ORC2: variants seen among roughly 807,000 people sequenced by gnomAD.
ORC2 encodes origin recognition complex subunit 2.
Under a neutral mutation model 77.7 loss-of-function variants are expected in ORC2, and 37 were observed. The ratio of observed to expected loss-of-function variants is 0.48; its 90% CI spans 0.37 to 0.63. ORC2 has a LOEUF of 0.63. Ranked by LOEUF, ORC2 falls within the 20% of genes least tolerant of loss-of-function variation. The pLI is 0.00. For missense variants in ORC2, 557 were observed against 661.9 expected, an observed-to-expected ratio of 0.84 and a Z score of 1.74; for synonymous variants, 201 against 229.5, an observed-to-expected ratio of 0.88 and a Z score of 1.12.
At chr2:200,934,188 C>T (rs1208846684) in intron 9 of ORC2, among the ~76,000 whole-genome samples, 2 of 152,100 alleles carry the variant, frequency 1.3e-5, no homozygotes, top group Non-Finnish European at 2.9e-5. Flanking sequence ...AAAGAAATGA[C>T]TAGGTGAAGT....
At position 200,953,585 on chromosome 2, in the gene ORC2, G is replaced by A. The variant is rs551025856; in HGVS notation, c.238+3816C>T. Among the ~76,000 whole-genome samples, 364 of 152,006 alleles carry A rather than the reference G, an allele frequency of 2.4e-3. 1 individual carries two copies. Among genetic ancestry groups the A allele is most frequent in the African/African-American group, 8.1e-3 (335 of 41,458 alleles). On this transcript the variant is annotated intron_variant, in intron 4 of 17. Transcript: ENST00000234296. ...ACATGATCCAGCATTTCCACTTATG[G>A]GTATAAACCCCAAAGAATTGAATGC...
Position 200,949,563 on chromosome 2 carries a change from C to A in ORC2, c.319G>T (p.Ala107Ser). The A allele has an allele frequency of 6.4e-7, 1 of 1,555,608 alleles. No individual in the cohort carries two copies. The highest frequency in any genetic ancestry group is 8.8e-7 in the Non-Finnish European group (1 of 1,130,040). Residue 107 changes from alanine to serine, a missense_variant, in exon 5 of 18, where the codon GCT becomes TCT. Coordinates refer to ENST00000234296, the MANE Select transcript of ORC2 (RefSeq NM_006190.5). The part of the protein sequence containing the change: ...FQNRKHSEKM[A>S]KLASELAKTP... ...CAGAAAAGCAACATACCTAATTTAG[C>A]CATCTTTTCAGAGTGTTTTCTATTC...
In ORC2 at chr2:200,909,891, A is replaced by T. The variant is rs971358148; in HGVS notation, c.*1410T>A. ...ATCCTCCTGCCTCAGCCTCCACAGC[A>T]GCTAGGACTATAGGCATGGGCCACC... is the stretch of plus-strand genomic sequence containing the variant. On this transcript the variant is annotated 3_prime_UTR_variant, in exon 18 of 18. Transcript: ENST00000234296. 1 of 151,942 alleles carries T rather than the reference A, an allele frequency of 6.6e-6. No individual in the cohort carries two copies. The allele number at this position is 151,942 out of a possible 1,614,324, so 9.4% of individuals were successfully genotyped here. A position where few individuals can be genotyped will look rare whatever the true frequency, so the allele number is the denominator to read the frequency against.
chr2:200,951,989 C>CT (rs1283288810), intron 4 of ORC2, among the ~76,000 whole-genome samples: 1 of 151,908 alleles, frequency 6.6e-6, no homozygotes, highest in Admixed American at 6.6e-5. Context: ...TTACAATTTG[C>CT]TTTTCATGTT....
intron 13 of ORC2, chr2:200,921,548 G>A (rs1212433809): frequency 6.6e-6 from 1 of 152,444 alleles, no homozygotes; most frequent in Admixed American, 6.5e-5. Context: ...ATTGCTTAGG[G>A]GTATGTAATT....
intron 6 of ORC2, 58 bp downstream of exon 6, chr2:200,942,627 T>A: frequency 1.2e-6 from 1 of 808,978 alleles, no homozygotes; most frequent in Non-Finnish European, 1.9e-6. Flanking sequence ...AAAAGTAACA[T>A]GCTCTATCTT....
chr2:200,963,287 G>T, intron 1 of ORC2: 1 of 396,624 alleles, frequency 2.5e-6, no homozygotes. Context: ...CACCAGTAAG[G>T]GTTCTCGAGC....
In ORC2 at chr2:200,933,923, T is replaced by G. The variant is rs1286329357; in HGVS notation, c.760A>C (p.Thr254Pro). 1 of 1,611,778 alleles carries G rather than the reference T, an allele frequency of 6.2e-7. No individual in the cohort carries two copies. The highest frequency in any genetic ancestry group is 2.2e-5 in the East Asian group (1 of 44,738). The change falls in exon 10 of 18, where the codon ACC (threonine) becomes CCC (proline). Residue 254 changes from threonine (T) to proline (P), a missense_variant. Physicochemically the swap from Thr to Pro is conservative, Grantham distance 38 (BLOSUM62 -1). Transcript: ENST00000234296. The part of the protein sequence containing the change: ...FEAHSSSKVL[T>P]SDRTLQKLKR... The stretch of plus-strand genomic sequence containing the variant: ...AGCTTCTGCAGTGTTCTATCAGAGG[T>G]TAAAACTTTTGAACTGCTGTGAGCT...
In ORC2 at chr2:200,954,312, G is replaced by A. The variant is rs1037617876; in HGVS notation, c.238+3089C>T. 5.3e-5 allele frequency among the ~76,000 whole-genome samples: 8 copies of A among 152,226 alleles called. No individual in the cohort carries two copies. In the East Asian group the frequency reaches 1.5e-3, roughly 29 times the overall value. ...GCCTCCCAAAGTGCTGAGATTACAGGCATGAGCCACTGCACCTGGCCAAAA... is the reference window on the plus strand; with the variant it reads ...GCCTCCCAAAGTGCTGAGATTACAGACATGAGCCACTGCACCTGGCCAAAA... On this transcript the variant is annotated intron_variant, in intron 4 of 17. Transcript: ENST00000234296.
chr2:200,926,926 A>G, intron 11 of ORC2, 26 bp from the exon 12 acceptor site: 1 of 1,606,398 alleles, frequency 6.2e-7, no homozygotes, highest in South Asian at 1.1e-5. Context: ...GTATTCATGA[A>G]ATTAAACTTC....
chr2:200,925,903 G>A lies in ORC2; in HGVS notation c.1080C>T (p.Leu360=), dbSNP rs200073772. 2.4e-5 allele frequency: 38 copies of A among 1,590,324 alleles called. No individual in the cohort carries two copies. The highest frequency in any genetic ancestry group is 2.3e-5 in the Non-Finnish European group (27 of 1,161,868). ...TACTGCGGAAAGTACCCATATGATC[G>A]AGGACTTCTTCTGTTATAGAATTCA... ...SVLNSITEEV[L]DHMGTFRSIL... The change falls in exon 13 of 18, where the codon CTC becomes CTT. Residue 360 remains leucine, a synonymous_variant. Coordinates refer to ENST00000234296, the MANE Select transcript of ORC2 (RefSeq NM_006190.5).
intron 5 of ORC2, among the ~76,000 whole-genome samples, chr2:200,947,454 A>G (rs1026138636): frequency 2.6e-5 from 4 of 152,222 alleles, no homozygotes; most frequent in African/African-American, 9.6e-5. Flanking sequence ...GAATGTTTAC[A>G]TGTGTCATTG....
At chr2:200,937,867 C>A in intron 8 of ORC2, 39 bp downstream of exon 8, 2 of 1,313,326 alleles carry the variant, frequency 1.5e-6, no homozygotes, top group Non-Finnish European at 2.2e-6. Context: ...TGTTTAGATG[C>A]TACTTTTTAT....
At chr2:200,929,622 T>C (rs941670203) in intron 11 of ORC2, among the ~76,000 whole-genome samples, 1 of 151,892 alleles carries the variant, frequency 6.6e-6, no homozygotes, top group Non-Finnish European at 1.5e-5. Flanking sequence ...AGACCTCATC[T>C]CTACACAATA....
At chr2:200,938,035 T>G in intron 7 of ORC2, 69 bp from the exon 8 acceptor site, 1 of 1,125,034 alleles carries the variant, frequency 8.9e-7, no homozygotes, top group Non-Finnish European at 1.3e-6. Context: ...TGAAAGAGGC[T>G]AGAAAAAAAG....
At chr2:200,932,762 T>C (rs1265344354) in intron 10 of ORC2, among the ~76,000 whole-genome samples, 1 of 152,198 alleles carries the variant, frequency 6.6e-6, no homozygotes, top group Non-Finnish European at 1.5e-5. Flanking sequence ...TTGTGTGTTT[T>C]CCCACTTTTC....
chr2:200,952,097 G>C (rs1043460822), intron 4 of ORC2, among the ~76,000 whole-genome samples: 4 of 151,932 alleles, frequency 2.6e-5, no homozygotes, highest in Non-Finnish European at 5.9e-5. Flanking sequence ...TTACTGACCA[G>C]TTCATCACTA....
intron 15 of ORC2, among the ~76,000 whole-genome samples, chr2:200,917,996 T>A (rs1156732225): frequency 3.9e-5 from 6 of 152,146 alleles, no homozygotes; most frequent in Admixed American, 1.3e-4. Context: ...AATTTTTTTT[T>A]ATTATTTTTA....
intron 11 of ORC2, among the ~76,000 whole-genome samples, chr2:200,928,609 C>G (rs950565939): frequency 6.6e-6 from 1 of 151,886 alleles, no homozygotes; most frequent in African/African-American, 2.4e-5. Flanking sequence ...GTCAGGAGAT[C>G]GAGACCATCT....
Sources: gnomAD v4.1 joint callset for allele counts (sites outside exome capture counted in the v4.1 genomes callset) on GRCh38, gnomAD v4.1.1 for gene constraint, MANE v1.5 for transcripts, NCBI Gene and HGNC (gene_info 2026-07-23, HGNC 2026-07-21) for gene names.